The following IDUA variants were observed in gnomAD, a reference collection of about 807,000 sequenced individuals.
IDUA encodes alpha-L-iduronidase.
In IDUA, 65 loss-of-function variants were observed where a neutral mutation model predicts 68.9. The ratio of observed to expected loss-of-function variants is 0.94; its 90% CI spans 0.77 to 1.16. The LOEUF (loss-of-function observed/expected upper bound fraction) is 1.16. Among genes scored for constraint, IDUA ranks in the 50% most tolerant of loss-of-function variants. The probability of loss-of-function intolerance (pLI) is 0.00; values close to 1 mark genes in which losing one functional copy is unlikely to be tolerated. For missense variants in IDUA, 1,046 were observed against 938.0 expected, an observed-to-expected ratio of 1.12 and a Z score of -1.50; for synonymous variants, 529 against 433.6, an observed-to-expected ratio of 1.22 and a Z score of -2.73.
rs1715235243 is a variant in IDUA at position 1,003,350 on chromosome 4, G to A, written c.1530G>A (p.Pro510=). 5.5e-6 allele frequency: 8 copies of A among 1,457,042 alleles called. No homozygotes were observed. The highest frequency in any genetic ancestry group is 4.5e-5 in the African/African-American group (3 of 67,096). 90.3% of individuals were successfully genotyped at this position (1,457,042 alleles called of 1,614,324 possible). Residue 510 remains proline (P), a synonymous_variant, in exon 11 of 14, where the codon CCG becomes CCA. Coordinates refer to ENST00000514224, the MANE Select transcript of IDUA (RefSeq NM_000203.5). ...GGACCGGCCACTGCGCCCAGGACCC[G>A]GTGGCCGCGGCGCCCCGCCCCTTAC... is the stretch of plus-strand genomic sequence containing the variant. ...QFRRMRAAED[P]VAAAPRPLPA...
intron 2 of IDUA, chr4:989,375 A>T: frequency 6.3e-7 from 1 of 1,582,040 alleles, no homozygotes; most frequent in Non-Finnish European, 8.6e-7. Flanking sequence ...GCATCCTCGT[A>T]GAAGGCCGTG....
intron 8 of IDUA, 29 bp from the exon 9 acceptor site, chr4:1,002,703 C>G (rs1005040246): frequency 7.1e-7 from 1 of 1,416,398 alleles, no homozygotes; most frequent in Non-Finnish European, 9.4e-7. Flanking sequence ...AACGACCCCA[C>G]GCGGCGACGG....
rs1487192241 is a variant in IDUA at position 1,002,894 on chromosome 4, A to G, written c.1352A>G (p.Asn451Ser). ...YASDDTRAHP[N>S]RSVAVTLRLR... ...AGCGACGACACCCGCGCCCACCCCAACCGCAGCGTCGCGGTGACCCTGCGG... is the reference window on the plus strand; with the variant it reads ...AGCGACGACACCCGCGCCCACCCCAGCCGCAGCGTCGCGGTGACCCTGCGG... The change falls in exon 9 of 14, where the codon AAC becomes AGC. Residue 451 changes from asparagine to serine, a missense_variant. Coordinates refer to ENST00000514224, the MANE Select transcript of IDUA (RefSeq NM_000203.5). 2.1e-6 allele frequency: 3 copies of G among 1,419,898 alleles called. No homozygotes were observed. In the East Asian group the frequency reaches 9.1e-5, roughly 43 times the overall value. The allele number at this position is 1,419,898 out of a possible 1,614,324, so 88.0% of individuals were successfully genotyped here. A position where few individuals can be genotyped will look rare whatever the true frequency, so the allele number is the denominator to read the frequency against.
intron 2 of IDUA, chr4:990,104 C>T (rs1464165866): frequency 1.3e-6 from 2 of 1,591,102 alleles, no homozygotes; most frequent in South Asian, 2.3e-5. Flanking sequence ...TCTGAGAGCT[C>T]CTTCGCGGCT....
intron 2 of IDUA, among the ~76,000 whole-genome samples, chr4:996,008 G>A (rs532063213): frequency 6.6e-6 from 1 of 151,954 alleles, no homozygotes; most frequent in Non-Finnish European, 1.5e-5. Flanking sequence ...TGTGAGATTC[G>A]GGCAGAGCTG....
intron 12 of IDUA, 136 bp downstream of exon 12, chr4:1,003,761 C>A: frequency 9.8e-7 from 1 of 1,020,346 alleles, no homozygotes; most frequent in Non-Finnish European, 1.5e-6. Flanking sequence ...GCGTCCCTGC[C>A]CTTCACCCCA....
In IDUA at chr4:987,810, C is replaced by A; in HGVS notation, c.160C>A (p.Pro54Thr). Residue 54 changes from proline to threonine, a missense_variant and splice_region_variant, in exon 2 of 14, where the codon CCC becomes ACC. Pro to Thr is a conservative substitution (Grantham distance 38). Coordinates refer to ENST00000514224, the MANE Select transcript of IDUA (RefSeq NM_000203.5). ...RRFWRSTGFC[P>T]PLPHSQADQY... ...GAGCCGCCCCTTTGTTGTCCCCAGCCCCCCGCTGCCACACAGCCAGGCTGA... is the reference window on the plus strand; with the variant it reads ...GAGCCGCCCCTTTGTTGTCCCCAGCACCCCGCTGCCACACAGCCAGGCTGA... 6.2e-7 allele frequency: 1 copy of A among 1,612,370 alleles called. No individual in the cohort carries two copies. The highest frequency in any genetic ancestry group is 1.1e-5 in the South Asian group (1 of 91,056).
At chr4:1,002,515 C>T in intron 8 of IDUA, 30 bp downstream of exon 8, 5 of 1,465,434 alleles carry the variant, frequency 3.4e-6, no homozygotes, top group Non-Finnish European at 4.5e-6. Context: ...GTGGGCCGGC[C>T]AGGGCCCTCC....
rs373153186 is a variant in IDUA, at chr4:989,049, C to T, written c.299+1100C>T. 26 of 1,583,322 alleles carry T rather than the reference C, an allele frequency of 1.6e-5. No homozygotes were observed. In the African/African-American group the frequency reaches 1.9e-4, roughly 12 times the overall value. On this transcript the variant is annotated intron_variant, in intron 2 of 13. Coordinates refer to ENST00000514224, the MANE Select transcript of IDUA (RefSeq NM_000203.5). ...CCCCGTAGTCTCGGCGCAGGTCCTG[C>T]AGCGTGCTCACACCGGCTGCGTCTA...
rs528851783 is a variant in IDUA, at chr4:987,694, G to A, written c.159-115G>A. 271 of 1,535,050 alleles carry A rather than the reference G, an allele frequency of 1.8e-4. No individual in the cohort carries two copies. The East Asian group carries it at 4.8e-3, about 27-fold the overall frequency. ...AGGGTCATTTTATTAGTCACTGAAC[G>A]CACGGGCAGCGCCTGGATCCTGCGC... On this transcript the variant is annotated intron_variant, in intron 1 of 13. Coordinates refer to ENST00000514224, the MANE Select transcript of IDUA (RefSeq NM_000203.5).
In IDUA at chr4:1,000,626, G is replaced by A. The variant is rs3755955; in HGVS notation, c.314G>A (p.Arg105Gln). 246,880 of 1,610,904 alleles carry A rather than the reference G, an allele frequency of 0.15. 20,007 individuals carry two copies. Among genetic ancestry groups the A allele is most frequent in the South Asian group, 0.24 (22,127 of 91,024 alleles). The change falls in exon 3 of 14, where the codon CGG becomes CAG. Residue 105 changes from arginine (R) to glutamine (Q), a missense_variant. Transcript: ENST00000514224. ...ELVTTRGSTGRGLSYNFTHLD... is the reference protein window; with the variant it reads ...ELVTTRGSTGQGLSYNFTHLD... ...TCCTTCTGCAGGGGGTCCACTGGAC[G>A]GGGCCTGAGCTACAACTTCACCCAC...
chr4:996,888 C>T (rs1714770438), intron 2 of IDUA, among the ~76,000 whole-genome samples: 1 of 152,168 alleles, frequency 6.6e-6, no homozygotes, highest in Non-Finnish European at 1.5e-5. Flanking sequence ...CCAACACCTC[C>T]TTCCTTCCCC....
intron 2 of IDUA, among the ~76,000 whole-genome samples, chr4:996,117 G>A (rs1011933513): frequency 1.3e-5 from 2 of 152,222 alleles, no homozygotes; most frequent in South Asian, 4.1e-4. Flanking sequence ...TCCAGAGTCT[G>A]AGCCCTTGCT....
intron 2 of IDUA, chr4:991,578 A>G: frequency 1.2e-6 from 2 of 1,600,884 alleles, no homozygotes; most frequent in African/African-American, 1.3e-5. Context: ...CGCACAGCAC[A>G]CTGCACGAGC....
chr4:987,263 G>A (rs970792259), intron 1 of IDUA, 21 bp downstream of exon 1: 1 of 1,512,154 alleles, frequency 6.6e-7, no homozygotes, highest in Non-Finnish European at 8.8e-7. Context: ...CGCGGCCTCC[G>A]GGACCCCCTG....
chr4:1,003,125 G>A lies in IDUA; in HGVS notation c.1492G>A (p.Ala498Thr), dbSNP rs1344365380. The A allele has an allele frequency of 6.7e-7, 1 of 1,502,494 alleles. No individual in the cohort carries two copies. The highest frequency in any genetic ancestry group is 8.8e-7 in the Non-Finnish European group (1 of 1,133,148). The allele number at this position is 1,502,494 out of a possible 1,614,324, so 93.1% of individuals were successfully genotyped here. A position where few individuals can be genotyped will look rare whatever the true frequency, so the allele number is the denominator to read the frequency against. Residue 498 changes from alanine (A) to threonine (T), a missense_variant, in exon 10 of 14, where the codon GCA becomes ACA. Transcript: ENST00000514224. The stretch of plus-strand genomic sequence containing the variant: ...CCTGGGCCGGCCCGTCTTCCCCACG[G>A]CAGAGCAGTTCCGGCGCATGCGCGC... ...RRLGRPVFPT[A>T]EQFRRMRAAE...
chr4:1,000,781 T>G, intron 3 of IDUA, 84 bp downstream of exon 3: 1 of 1,448,016 alleles, frequency 6.9e-7, no homozygotes, highest in Non-Finnish European at 9.7e-7. Flanking sequence ...CTCTGAGTCC[T>G]TGGATGTCCA....
chr4:1,003,946 C>T (rs1195802448), intron 12 of IDUA, 66 bp from the exon 13 acceptor site: 12 of 1,333,786 alleles, frequency 9.0e-6, no homozygotes, highest in Non-Finnish European at 1.3e-5. Flanking sequence ...CGCGGCCGTG[C>T]CCTGCCTGCT....
At chr4:995,236 G>T (rs1714675317) in intron 2 of IDUA, among the ~76,000 whole-genome samples, 1 of 151,918 alleles carries the variant, frequency 6.6e-6, no homozygotes, top group Non-Finnish European at 1.5e-5. Context: ...GTAGAGACAG[G>T]GTTTCACTAT....
Sources: gnomAD v4.1 joint callset for allele counts (sites outside exome capture counted in the v4.1 genomes callset) on GRCh38, gnomAD v4.1.1 for gene constraint, MANE v1.5 for transcripts, NCBI Gene and HGNC (gene_info 2026-07-23, HGNC 2026-07-21) for gene names.